Variants in RIF1 observed in about 807,000 individuals in gnomAD.
RIF1 encodes telomere-associated protein RIF1.
A neutral mutation model predicts 247.1 loss-of-function variants in RIF1; 45 were observed. The observed-to-expected ratio is 0.18, with a 90% confidence interval of 0.14 to 0.23. The LOEUF is 0.23. RIF1 is among the 10% of genes least tolerant of loss of function. RIF1 has a pLI of 1.00. For synonymous variants in RIF1, 1,087 were observed against 978.8 expected (o/e 1.11, Z -2.06); for missense variants, 2,967 against 2,862.5 (o/e 1.04, Z -0.83).
At chr2:151,440,471 C>G (rs1692084026) in intron 15 of RIF1, among the ~76,000 whole-genome samples, 1 of 151,830 alleles carries the variant, frequency 6.6e-6, no homozygotes, top group South Asian at 2.1e-4. Flanking sequence ...ATAGTTGGTA[C>G]TTTGTTTTCA....
the RIF1 span, chr2:151,529,181 C>T: frequency 2.8e-6 from 4 of 1,447,102 alleles, no homozygotes; most frequent in Admixed American, 3.4e-5. Context: ...AAATCCCCCA[C>T]CATGCTTGGG....
At position 151,445,367 on chromosome 2, in the gene RIF1, A is replaced by G; in HGVS notation, c.2016A>G (p.Leu672=). ...ATGAAGTAAATCAAGGTGATGCCTT[A>G]GAACATAATTTTAGTGCCATCTATG... ...QTNEVNQGDA[L]EHNFSAIYGA... is the part of the protein sequence containing the mutation. The change falls in exon 19 of 36, where the codon TTA becomes TTG. Residue 672 remains leucine (L), a synonymous_variant. Coordinates refer to ENST00000444746, the MANE Select transcript of RIF1 (RefSeq NM_018151.5). 1 of 1,606,514 alleles carries G rather than the reference A, an allele frequency of 6.2e-7. No homozygotes were observed.
At chr2:151,410,609 A>AT in intron 2 of RIF1, 82 bp downstream of exon 2, 1 of 1,123,094 alleles carries the variant, frequency 8.9e-7, no homozygotes, top group Non-Finnish European at 1.3e-6. Flanking sequence ...GGCGCGTAGA[A>AT]TGAATGTGAG....
intron 10 of RIF1, chr2:151,498,218 CTGAAG>C: frequency 6.5e-7 from 1 of 1,550,156 alleles, no homozygotes; most frequent in East Asian, 2.4e-5. Context: ...CAGTTTAATT[CTGAAG>C]TTAAGTGGCA....
chr2:151,455,250 A>G (rs1694989206), intron 22 of RIF1, 91 bp downstream of exon 22: 1 of 924,828 alleles, frequency 1.1e-6, no homozygotes, highest in Non-Finnish European at 1.6e-6. Context: ...TGTGTTGTAG[A>G]TGGTAGTCTT....
chr2:151,470,919 T>A (rs1171735809), intron 34 of RIF1, among the ~76,000 whole-genome samples: 1 of 152,162 alleles, frequency 6.6e-6, no homozygotes, highest in Non-Finnish European at 1.5e-5. Context: ...AACAGCTTCA[T>A]TAAGATATGA....
chr2:151,432,462 G>T (rs950942299), intron 9 of RIF1, among the ~76,000 whole-genome samples: 1 of 152,058 alleles, frequency 6.6e-6, no homozygotes, highest in African/African-American at 2.4e-5. Flanking sequence ...TTAAGATAGG[G>T]CAGTCCTGAA....
chr2:151,499,186 A>AAGAC (rs1008177849), intron 10 of RIF1: 43 of 559,114 alleles, frequency 7.7e-5, no homozygotes, highest in Admixed American at 1.3e-4. Context: ...AGTTGGGAAA[A>AAGAC]AGACAGGTCA....
chr2:151,461,524 T>A (rs544914151), intron 27 of RIF1, among the ~76,000 whole-genome samples: 2 of 152,100 alleles, frequency 1.3e-5, no homozygotes, highest in East Asian at 3.9e-4. Context: ...CCCGAGTAGC[T>A]GGGACCACAG....
At chr2:151,482,528 G>T (rs2152569488), downstream of RIF1, among the ~76,000 whole-genome samples, 1 of 152,240 alleles carries the variant, frequency 6.6e-6, no homozygotes, top group Non-Finnish European at 1.5e-5. Flanking sequence ...AGTCCACATG[G>T]TGTGGGCGAG....
chr2:151,489,493 G>A (rs1244351941), intron 9 of RIF1, among the ~76,000 whole-genome samples: 2 of 152,142 alleles, frequency 1.3e-5, no homozygotes, highest in East Asian at 3.8e-4. Flanking sequence ...CAAATTTCCA[G>A]GCTCAAGCAA....
chr2:151,523,227 A>T, the RIF1 span, among the ~76,000 whole-genome samples: 1 of 152,168 alleles, frequency 6.6e-6, no homozygotes, highest in Non-Finnish European at 1.5e-5. Context: ...TACTTATACA[A>T]TTCCATTAAT....
rs1697348102 is a variant in RIF1, at chr2:151,468,776, TCTTG to T, written c.6941+24_6941+27del. ...CATGTGGTAAGTGGTTATTTAGGCTTCTTGCTTATATTCCAAGATGCCACTTATT... is the reference window on the plus strand; with the variant it reads ...CATGTGGTAAGTGGTTATTTAGGCTTCTTATATTCCAAGATGCCACTTATT... On this transcript the variant is annotated intron_variant, in intron 33 of 35. Transcript: ENST00000444746. 1 of 1,527,156 alleles carries T rather than the reference TCTTG, an allele frequency of 6.5e-7. No homozygotes were observed. The highest frequency in any genetic ancestry group is 9.1e-7 in the Non-Finnish European group (1 of 1,101,010). 94.6% of individuals were successfully genotyped at this position (1,527,156 alleles called of 1,614,324 possible). A position where few individuals can be genotyped will look rare whatever the true frequency, so the allele number is the denominator to read the frequency against.
At chr2:151,482,535 C>T (rs1035142893), downstream of RIF1, among the ~76,000 whole-genome samples, 3 of 151,970 alleles carry the variant, frequency 2.0e-5, no homozygotes, top group Admixed American at 1.3e-4. Context: ...ATGGTGTGGG[C>T]GAGGGCAGAG....
chr2:151,433,517 C>A, intron 10 of RIF1, among the ~76,000 whole-genome samples: 1 of 152,094 alleles, frequency 6.6e-6, no homozygotes, highest in East Asian at 1.9e-4. Flanking sequence ...TGCAGTGGCA[C>A]GATCTCGGCT....
At chr2:151,417,819 G>A (rs961304304) in intron 6 of RIF1, among the ~76,000 whole-genome samples, 4 of 152,048 alleles carry the variant, frequency 2.6e-5, no homozygotes, top group African/African-American at 9.7e-5. Flanking sequence ...TTATTAAGAG[G>A]ACTTACACAA....
rs759261311 is a variant in RIF1, at chr2:151,497,627, G to A, written c.*514-1718G>A. ...TTTTTTCTTTTCTTGCCAAAGTACC[G>A]AGCTAATATTTTCTTGATTGTGTTT... is the stretch of plus-strand genomic sequence containing the variant. On this transcript the variant is annotated intron_variant and NMD_transcript_variant, in intron 10 of 13. Transcript: ENST00000454583. 26 of 1,570,290 alleles carry A rather than the reference G, an allele frequency of 1.7e-5. No individual in the cohort carries two copies. Among genetic ancestry groups the A allele is most frequent in the East Asian group, 6.9e-5 (3 of 43,520 alleles).
intron 13 of RIF1, 33 bp downstream of exon 13, chr2:151,437,384 G>T: frequency 6.5e-7 from 1 of 1,530,648 alleles, no homozygotes; most frequent in East Asian, 2.2e-5. Context: ...TTGCTCAAAT[G>T]TGTGTTTAAA....
chr2:151,445,328 C>G lies in RIF1; in HGVS notation c.1987-10C>G, dbSNP rs1558981044. On this transcript the variant is annotated splice_polypyrimidine_tract_variant and intron_variant, in intron 18 of 35. Coordinates refer to ENST00000444746, the MANE Select transcript of RIF1 (RefSeq NM_018151.5). Reference sequence around the variant, plus strand: ...TAATTTGTCTAACTTCATTATTTTTCTTGTTTTAGACCAATGAAGTAAATC... The same window carrying G: ...TAATTTGTCTAACTTCATTATTTTTGTTGTTTTAGACCAATGAAGTAAATC... The G allele has an allele frequency of 6.9e-7, 1 of 1,442,480 alleles. No individual in the cohort carries two copies. Among genetic ancestry groups the G allele is most frequent in the East Asian group, 2.3e-5 (1 of 44,028 alleles). The allele number at this position is 1,442,480 out of a possible 1,614,324, so 89.4% of individuals were successfully genotyped here.
Sources: allele counts gnomAD v4.1 joint callset (sites outside exome capture counted in the v4.1 genomes callset), GRCh38; gene constraint gnomAD v4.1.1; transcripts MANE v1.5; gene names NCBI Gene and HGNC (gene_info 2026-07-23, HGNC 2026-07-21).